Variants in OXR1 observed in about 807,000 individuals in gnomAD.
OXR1 encodes oxidation resistance protein 1.
OXR1 carries 41 observed loss-of-function variants against 104.6 expected under a neutral mutation model. The ratio of observed to expected loss-of-function variants is 0.39; its 90% CI spans 0.31 to 0.51. The LOEUF is 0.51. Among genes scored for constraint, OXR1 ranks in the 20% least tolerant of loss-of-function variants. OXR1 has a pLI of 0.77. For missense variants in OXR1, 955 were observed against 1,031.9 expected, an observed-to-expected ratio of 0.93 and a Z score of 1.02; for synonymous variants, 348 against 348.4, an observed-to-expected ratio of 1.00 and a Z score of 0.01.
intron 3 of OXR1, among the ~76,000 whole-genome samples, chr8:106,613,281 A>G (rs1020931649): frequency 1.3e-5 from 2 of 152,244 alleles, no homozygotes; most frequent in African/African-American, 4.8e-5. Context: ...ATAGTTGCTC[A>G]TTAAACTTTA....
At chr8:106,556,301 T>C (rs1464160470) in intron 3 of OXR1, among the ~76,000 whole-genome samples, 1 of 152,164 alleles carries the variant, frequency 6.6e-6, no homozygotes, top group Admixed American at 6.6e-5. Context: ...GTTATGCACA[T>C]TTTGCCTTAC....
chr8:106,571,349 TGAGAAAGA>T (rs1172018698), intron 3 of OXR1, among the ~76,000 whole-genome samples: 1 of 152,184 alleles, frequency 6.6e-6, no homozygotes, highest in East Asian at 1.9e-4. Flanking sequence ...TGTTCTTACA[TGAGAAAGA>T]GAGACAGAGA....
intron 2 of OXR1, among the ~76,000 whole-genome samples, chr8:106,500,758 A>G (rs1310393484): frequency 6.6e-6 from 1 of 152,212 alleles, no homozygotes; most frequent in East Asian, 1.9e-4. Context: ...CAAGTGCATA[A>G]TGTTTTCCTT....
chr8:106,616,495 G>T (rs1821252233), intron 3 of OXR1, among the ~76,000 whole-genome samples: 1 of 152,048 alleles, frequency 6.6e-6, no homozygotes, highest in African/African-American at 2.4e-5. Flanking sequence ...GAATACAAAT[G>T]TAGCTCCATA....
intron 1 of OXR1, among the ~76,000 whole-genome samples, chr8:106,316,175 A>G (rs2130156287): frequency 6.6e-6 from 1 of 152,356 alleles, no homozygotes; most frequent in South Asian, 2.1e-4. Flanking sequence ...ATATAGGCAC[A>G]CATATCAGAT....
chr8:106,479,863 A>T (rs1822010453), intron 2 of OXR1, among the ~76,000 whole-genome samples: 1 of 152,050 alleles, frequency 6.6e-6, no homozygotes, highest in Non-Finnish European at 1.5e-5. Context: ...CCAAAAGATT[A>T]TAGAGTTTTT....
chr8:106,630,532 GTTTC>G (rs1459715091), intron 3 of OXR1, among the ~76,000 whole-genome samples: 1 of 152,148 alleles, frequency 6.6e-6, no homozygotes, highest in Non-Finnish European at 1.5e-5. Flanking sequence ...TCGCTGTAAG[GTTTC>G]TTTGTCTTTT....
intron 3 of OXR1, among the ~76,000 whole-genome samples, chr8:106,619,505 T>G (rs1417053866): frequency 6.6e-6 from 1 of 152,188 alleles, no homozygotes; most frequent in East Asian, 1.9e-4. Flanking sequence ...CCCAAACAAT[T>G]TTTTAATTTT....
chr8:106,561,617 G>A (rs547433587), intron 3 of OXR1, among the ~76,000 whole-genome samples: 5 of 152,236 alleles, frequency 3.3e-5, no homozygotes, highest in East Asian at 1.9e-4. Context: ...CAGAGCGATC[G>A]AGCTCTGCTA....
intron 1 of OXR1, among the ~76,000 whole-genome samples, chr8:106,306,228 G>A (rs780756674): frequency 6.6e-6 from 1 of 152,064 alleles, no homozygotes; most frequent in Non-Finnish European, 1.5e-5. Context: ...TAATCTGCAC[G>A]TAAGATTCAA....
intron 10 of OXR1, 93 bp downstream of exon 10, chr8:106,710,883 A>G (rs539343342): frequency 1.3e-6 from 1 of 792,288 alleles, no homozygotes. Context: ...AAACTATTGA[A>G]ACATAGTTTA....
At chr8:106,679,629 G>C (rs1827949907) in intron 4 of OXR1, among the ~76,000 whole-genome samples, 1 of 151,968 alleles carries the variant, frequency 6.6e-6, no homozygotes, top group Admixed American at 6.5e-5. Flanking sequence ...TCGCAGCAGT[G>C]CTAGTGATAG....
In OXR1 at chr8:106,750,319, C is replaced by CTTTCTTTTTTTTTTTTTTTT. The variant is rs1563773398; in HGVS notation, c.2487-484_2487-483insCTTTTTTTTTTTTTTTTTTT. Reference sequence around the variant, plus strand: ...ATAAATAATTTTTTTCTTTTCTTTTCTTTTCTTTTTTTTTTTTTTTTTTGA... The same window carrying CTTTCTTTTTTTTTTTTTTTT: ...ATAAATAATTTTTTTCTTTTCTTTTCTTTCTTTTTTTTTTTTTTTTTTTTCTTTTTTTTTTTTTTTTTTGA... On this transcript the variant is annotated intron_variant, in intron 16 of 16. Coordinates refer to ENST00000517566, the MANE Select transcript of OXR1 (RefSeq NM_001198533.2). Among the ~76,000 whole-genome samples, 3 of 68,260 alleles carry CTTTCTTTTTTTTTTTTTTTT rather than the reference C, an allele frequency of 4.4e-5. 1 individual carries two copies. 44.8% of individuals were successfully genotyped at this position (68,260 alleles called of 152,430 possible).
intron 3 of OXR1, among the ~76,000 whole-genome samples, chr8:106,598,608 A>G (rs1819704797): frequency 6.6e-6 from 1 of 152,232 alleles, no homozygotes; most frequent in Non-Finnish European, 1.5e-5. Flanking sequence ...TTTTTAAGCT[A>G]CATATTATAT....
Position 106,710,760 on chromosome 8 carries a change from A to G in OXR1, c.1763A>G (p.His588Arg). The G allele has an allele frequency of 6.5e-7, 1 of 1,547,794 alleles. No individual in the cohort carries two copies. The highest frequency in any genetic ancestry group is 8.7e-7 in the Non-Finnish European group (1 of 1,145,706). ...CAGTATGCACAGAGAGATAAGAAAC[A>G]TGAATATTGGTTTGCTGTGCCACAA... ...MQQYAQRDKK[H>R]EYWFAVPQER... The change falls in exon 10 of 17, where the codon CAT (histidine) becomes CGT (arginine). Residue 588 changes from histidine to arginine, a missense_variant. Physicochemically the swap from His to Arg is conservative, Grantham distance 29. Transcript: ENST00000517566.
intron 1 of OXR1, among the ~76,000 whole-genome samples, chr8:106,275,055 G>C (rs557781152): frequency 6.6e-6 from 1 of 152,330 alleles, no homozygotes; most frequent in East Asian, 1.9e-4. Flanking sequence ...TCTGTACAAA[G>C]AAACATAAGA....
intron 2 of OXR1, among the ~76,000 whole-genome samples, chr8:106,468,324 A>C (rs1225302181): frequency 6.6e-6 from 1 of 151,922 alleles, no homozygotes; most frequent in South Asian, 2.1e-4. Flanking sequence ...TACTTTAGTT[A>C]CCATGTTCCC....
intron 1 of OXR1, among the ~76,000 whole-genome samples, chr8:106,350,093 A>G (rs774561712): frequency 6.6e-6 from 1 of 152,206 alleles, no homozygotes; most frequent in Non-Finnish European, 1.5e-5. Context: ...GAAAGATTGT[A>G]CAGAATCAGA....
intron 4 of OXR1, among the ~76,000 whole-genome samples, chr8:106,680,304 A>G (rs1347595335): frequency 6.6e-6 from 1 of 152,154 alleles, no homozygotes; most frequent in Non-Finnish European, 1.5e-5. Flanking sequence ...AGTTCAAATA[A>G]GTTTTTTATA....
Sources: gnomAD v4.1 joint callset for allele counts (sites outside exome capture counted in the v4.1 genomes callset) on GRCh38, gnomAD v4.1.1 for gene constraint, MANE v1.5 for transcripts, NCBI Gene and HGNC (gene_info 2026-07-23, HGNC 2026-07-21) for gene names.